MOGAT1: variants seen among roughly 807,000 people sequenced by gnomAD.
The protein encoded by MOGAT1 is monoacylglycerol O-acyltransferase 1.
MOGAT1 carries 32 observed loss-of-function variants against 31.4 expected under a neutral mutation model. The ratio of observed to expected loss-of-function variants is 1.02; its 90% CI spans 0.77 to 1.37. MOGAT1 has a LOEUF of 1.37. MOGAT1 is among the 40% of genes most tolerant of loss of function. The probability of loss-of-function intolerance (pLI) is 0.00; values close to 1 mark genes in which losing one functional copy is unlikely to be tolerated. For missense variants in MOGAT1, 426 were observed against 402.0 expected (o/e 1.06, Z -0.51); for synonymous variants, 145 against 144.5 (o/e 1.00, Z -0.03).
At chr2:222,707,335 AAAAGAAAGAAAG>A (rs769216597) in intron 5 of MOGAT1, among the ~76,000 whole-genome samples, 1 of 141,796 alleles carries the variant, frequency 7.1e-6, no homozygotes, top group South Asian at 2.3e-4. Context: ...GAAAGAAAGA[AAAAGAAAGAAAG>A]AAAAAGAAAG....
intron 2 of MOGAT1, among the ~76,000 whole-genome samples, 173 bp from the exon 3 acceptor site, chr2:222,689,092 G>T (rs532711655): frequency 6.6e-6 from 1 of 152,244 alleles, no homozygotes; most frequent in East Asian, 1.9e-4. Context: ...ATATATAAAG[G>T]GATCTGGGCT....
At chr2:222,692,287 C>G (rs965899461) in intron 3 of MOGAT1, among the ~76,000 whole-genome samples, 27 of 152,214 alleles carry the variant, frequency 1.8e-4, no homozygotes, top group African/African-American at 6.5e-4. Context: ...TTGATACAGT[C>G]TCTAAGACTT....
At chr2:222,708,189 T>C (rs924777799) in intron 5 of MOGAT1, among the ~76,000 whole-genome samples, 3 of 152,060 alleles carry the variant, frequency 2.0e-5, no homozygotes, top group Admixed American at 6.6e-5. Flanking sequence ...GTTCTAGAGG[T>C]TGTCCTGCCT....
intron 5 of MOGAT1, among the ~76,000 whole-genome samples, chr2:222,700,394 C>G (rs887328588): frequency 1.2e-4 from 18 of 152,228 alleles, no homozygotes; most frequent in Non-Finnish European, 2.2e-4. Flanking sequence ...CTTGTTTTCA[C>G]TCATACTTGT....
chr2:222,688,300 G>C, intron 1 of MOGAT1, 44 bp from the exon 2 acceptor site: 1 of 1,527,268 alleles, frequency 6.5e-7, no homozygotes, highest in East Asian at 2.3e-5. Flanking sequence ...GCAGTGAGCA[G>C]ATACTAACAG....
At chr2:222,695,715 T>A (rs552406784) in intron 5 of MOGAT1, among the ~76,000 whole-genome samples, 2 of 152,250 alleles carry the variant, frequency 1.3e-5, no homozygotes, top group Admixed American at 6.5e-5. Flanking sequence ...AAAGCTTTTT[T>A]TTTGCAGCTA....
intron 5 of MOGAT1, chr2:222,699,310 C>G (rs1038017476): frequency 6.6e-6 from 1 of 151,564 alleles, no homozygotes; most frequent in South Asian, 2.1e-4. Flanking sequence ...CCAACTTTTG[C>G]TATCTTTATA....
intron 3 of MOGAT1, 43 bp downstream of exon 3, chr2:222,689,512 G>A: frequency 6.4e-7 from 1 of 1,561,546 alleles, no homozygotes; most frequent in Non-Finnish European, 8.8e-7. Flanking sequence ...CTTTGGGGTA[G>A]CAGGAGCACA....
intron 1 of MOGAT1, chr2:222,677,975 T>G (rs953185226): frequency 7.5e-5 from 19 of 251,718 alleles, no homozygotes; most frequent in Non-Finnish European, 1.4e-4. Context: ...AATGTATAGA[T>G]TTTTTCCAAA....
chr2:222,688,618 G>C (rs1003020232), intron 2 of MOGAT1, 96 bp downstream of exon 2: 1 of 855,220 alleles, frequency 1.2e-6, no homozygotes, highest in African/African-American at 1.7e-5. Flanking sequence ...TTTCAGAGGG[G>C]ATGTCTTAGT....
intron 5 of MOGAT1, among the ~76,000 whole-genome samples, chr2:222,697,657 T>G (rs1692856155): frequency 7.4e-6 from 1 of 134,952 alleles, no homozygotes; most frequent in Non-Finnish European, 1.5e-5. Context: ...ATCTGCAACC[T>G]CCGCCTCCTG....
intron 3 of MOGAT1, among the ~76,000 whole-genome samples, chr2:222,691,192 A>AT (rs1364714210): frequency 7.1e-4 from 60 of 84,254 alleles, no homozygotes; most frequent in African/African-American, 4.7e-3. Context: ...TTATTTATTT[A>AT]TTTTTTATTT....
At chr2:222,709,652 G>A in intron 5 of MOGAT1, 84 bp from the exon 6 acceptor site, 1 of 1,236,690 alleles carries the variant, frequency 8.1e-7, no homozygotes. Flanking sequence ...ATTGGCAGTT[G>A]TGTTCACAGC....
At chr2:222,702,216 AAG>A (rs1270467825) in intron 5 of MOGAT1, among the ~76,000 whole-genome samples, 1 of 152,190 alleles carries the variant, frequency 6.6e-6, no homozygotes, top group African/African-American at 2.4e-5. Context: ...TCAGTGTCAT[AAG>A]AGACAAGAGG....
intron 3 of MOGAT1, among the ~76,000 whole-genome samples, chr2:222,689,946 A>G (rs1692732671): frequency 6.6e-6 from 1 of 152,220 alleles, no homozygotes; most frequent in Non-Finnish European, 1.5e-5. Flanking sequence ...TAGATGAAAA[A>G]TAACTTGGCT....
chr2:222,674,964 C>T (rs575983448), intron 1 of MOGAT1, among the ~76,000 whole-genome samples: 416 of 152,320 alleles, frequency 2.7e-3, no homozygotes, highest in African/African-American at 9.5e-3. Flanking sequence ...AGCCACTGCA[C>T]CCAGACAAAA....
intron 5 of MOGAT1, among the ~76,000 whole-genome samples, chr2:222,702,607 AG>A (rs1201399670): frequency 6.6e-6 from 1 of 152,122 alleles, no homozygotes; most frequent in African/African-American, 2.4e-5. Flanking sequence ...TTCCTTCTGA[AG>A]GTTTGACTTT....
intron 1 of MOGAT1, among the ~76,000 whole-genome samples, chr2:222,673,654 T>C (rs1226312784): frequency 1.3e-5 from 2 of 152,240 alleles, no homozygotes; most frequent in Admixed American, 6.5e-5. Context: ...CCAAAGTGTC[T>C]GCTTTAACCA....
Position 222,695,207 on chromosome 2 carries a change from G to C in MOGAT1, c.772G>C (p.Ala258Pro). Residue 258 changes from alanine (A) to proline (P), a missense_variant, in exon 5 of 6, where the codon GCT becomes CCT. By Grantham distance (27) the Ala-to-Pro change is conservative (BLOSUM62 -1). Coordinates refer to ENST00000446656, the MANE Select transcript of MOGAT1 (RefSeq NM_058165.3). The stretch of plus-strand genomic sequence containing the variant: ...TAAACTGCAGAAGATCATGGGGTTT[G>C]CTTTGCCCCTGTTTCATGCCAGGGG... ...QNKLQKIMGF[A>P]LPLFHARGVF... 6.2e-7 allele frequency: 1 copy of C among 1,613,672 alleles called. No homozygotes were observed. Among genetic ancestry groups the C allele is most frequent in the Non-Finnish European group, 8.5e-7 (1 of 1,179,730 alleles).
Sources: gnomAD v4.1 joint callset for allele counts (sites outside exome capture counted in the v4.1 genomes callset) on GRCh38, gnomAD v4.1.1 for gene constraint, MANE v1.5 for transcripts, NCBI Gene and HGNC (gene_info 2026-07-23, HGNC 2026-07-21) for gene names.